The following PTPRZ1 variants were observed in gnomAD, a reference collection of about 807,000 sequenced individuals.
PTPRZ1 encodes protein tyrosine phosphatase receptor type Z1, also known as receptor-type tyrosine-protein phosphatase zeta.
Under a neutral mutation model 214.1 loss-of-function variants are expected in PTPRZ1, and 82 were observed. The observed-to-expected ratio is 0.38, with a 90% CI of 0.32 to 0.46. The LOEUF is 0.46. Ranked by LOEUF, PTPRZ1 falls within the 20% of genes least tolerant of loss-of-function variation. The pLI, the probability that PTPRZ1 is intolerant of heterozygous loss-of-function variation, is 1.00. For missense variants in PTPRZ1, 2,603 were observed against 2,748.7 expected, an observed-to-expected ratio of 0.95 and a Z score of 1.19; for synonymous variants, 945 against 987.9, an observed-to-expected ratio of 0.96 and a Z score of 0.81.
chr7:121,967,693 G>A (rs1797085636), intron 2 of PTPRZ1, among the ~76,000 whole-genome samples: 1 of 152,140 alleles, frequency 6.6e-6, no homozygotes, highest in Non-Finnish European at 1.5e-5. Context: ...GTAGACTAAA[G>A]TTGTACCAAA....
At chr7:122,044,917 T>C (rs1268355367) in intron 23 of PTPRZ1, among the ~76,000 whole-genome samples, 1 of 151,780 alleles carries the variant, frequency 6.6e-6, no homozygotes, top group East Asian at 1.9e-4. Flanking sequence ...AACAGACCAC[T>C]TAAACATGAG....
In PTPRZ1 at chr7:121,927,048, T is replaced by C. The variant is rs548671645; in HGVS notation, c.59-1108T>C. On this transcript the variant is annotated intron_variant, in intron 1 of 29. Coordinates refer to ENST00000393386, the MANE Select transcript of PTPRZ1 (RefSeq NM_002851.3). ...ACCATGTTGTAATAATCAGATAGTA[T>C]ATAACATGAAAGAAAGAAAAATAAA... Among the ~76,000 whole-genome samples the C allele has an allele frequency of 2.6e-5, 4 of 152,282 alleles. No homozygotes were observed. In the South Asian group the frequency reaches 6.2e-4, roughly 24 times the overall value.
chr7:121,981,078 G>A (rs1442306516), intron 6 of PTPRZ1, among the ~76,000 whole-genome samples: 4 of 151,518 alleles, frequency 2.6e-5, no homozygotes, highest in Non-Finnish European at 5.9e-5. Flanking sequence ...GGGGGGCGGA[G>A]CCTGCAGTGA....
chr7:121,944,495 A>G (rs1249890665), intron 2 of PTPRZ1, among the ~76,000 whole-genome samples: 6 of 152,222 alleles, frequency 3.9e-5, no homozygotes, highest in East Asian at 1.9e-4. Flanking sequence ...TAGGATCTGA[A>G]TATTTCTGGA....
intron 2 of PTPRZ1, among the ~76,000 whole-genome samples, chr7:121,960,712 AT>A (rs145022161): frequency 6.6e-6 from 1 of 152,064 alleles, no homozygotes; most frequent in East Asian, 1.9e-4. Flanking sequence ...TAATTTAATC[AT>A]TTTTTCCTTC....
intron 2 of PTPRZ1, among the ~76,000 whole-genome samples, chr7:121,939,829 T>C (rs1391187942): frequency 6.6e-6 from 1 of 152,138 alleles, no homozygotes; most frequent in Non-Finnish European, 1.5e-5. Context: ...TTTTAAAGCA[T>C]GGTAAATACC....
chr7:122,011,404 T>G lies in PTPRZ1; in HGVS notation c.2358T>G (p.Ala786=). ...ATCAGATCCTCAACACTACCCCTGC[T>G]GCTTCAAGTAGTGATTCGGCCTTGC... ...LDNQILNTTP[A]ASSSDSALHA... Residue 786 remains alanine, a synonymous_variant, in exon 12 of 30, where the codon GCT becomes GCG. Transcript: ENST00000393386. 1.2e-6 allele frequency: 2 copies of G among 1,614,098 alleles called. No individual in the cohort carries two copies. Among genetic ancestry groups the G allele is most frequent in the Non-Finnish European group, 1.7e-6 (2 of 1,179,934 alleles).
chr7:121,941,009 T>G (rs2116420853), intron 2 of PTPRZ1, among the ~76,000 whole-genome samples: 1 of 152,324 alleles, frequency 6.6e-6, no homozygotes, highest in African/African-American at 2.4e-5. Flanking sequence ...CTTTCCTGAC[T>G]CTTCTTTTCT....
At chr7:121,973,527 T>C (rs1371076224) in intron 4 of PTPRZ1, among the ~76,000 whole-genome samples, 2 of 152,178 alleles carry the variant, frequency 1.3e-5, no homozygotes, top group Non-Finnish European at 2.9e-5. Context: ...AATATATAAA[T>C]TATTTAACTT....
intron 1 of PTPRZ1, among the ~76,000 whole-genome samples, chr7:121,881,288 A>G (rs1426551698): frequency 2.0e-5 from 3 of 152,232 alleles, no homozygotes; most frequent in African/African-American, 4.8e-5. Context: ...CCCAGCCTCC[A>G]TATCTGTGAG....
At chr7:121,973,840 A>ACC (rs1270558552) in intron 4 of PTPRZ1, among the ~76,000 whole-genome samples, 8 of 145,898 alleles carry the variant, frequency 5.5e-5, no homozygotes, top group Admixed American at 7.0e-5. Context: ...AGGCTGAGGC[A>ACC]TGGGAATCAC....
At chr7:122,003,468 G>C (rs188453759) in intron 10 of PTPRZ1, among the ~76,000 whole-genome samples, 11 of 152,230 alleles carry the variant, frequency 7.2e-5, no homozygotes, top group Admixed American at 2.6e-4. Context: ...ATACCCAGCA[G>C]TCTTGGTAAA....
intron 1 of PTPRZ1, among the ~76,000 whole-genome samples, chr7:121,895,305 A>G (rs1383790950): frequency 1.3e-5 from 2 of 152,132 alleles, no homozygotes; most frequent in Non-Finnish European, 2.9e-5. Context: ...TTGCAGGTGT[A>G]GGATAATCAT....
intron 2 of PTPRZ1, among the ~76,000 whole-genome samples, chr7:121,951,462 T>C (rs925018680): frequency 3.3e-5 from 5 of 152,242 alleles, no homozygotes; most frequent in African/African-American, 1.2e-4. Context: ...GTTTATTATT[T>C]GGTAGTGGCA....
chr7:121,967,644 T>C (rs1195882135), intron 2 of PTPRZ1, among the ~76,000 whole-genome samples: 1 of 152,206 alleles, frequency 6.6e-6, no homozygotes, highest in East Asian at 1.9e-4. Flanking sequence ...GCATAAAAGT[T>C]AGTTCTCATT....
Position 122,011,233 on chromosome 7 carries a change from C to T in PTPRZ1, c.2187C>T (p.Thr729=). Residue 729 remains threonine, a synonymous_variant, in exon 12 of 30, where the codon ACC becomes ACT. Transcript: ENST00000393386. ...CTGAGGTAACACCTCATGCTTTTAC[C>T]CCATCCTCCAGACAACAGGATTTGG... ...FPTEVTPHAF[T]PSSRQQDLVS... 6.2e-7 allele frequency: 1 copy of T among 1,614,024 alleles called. No homozygotes were observed. The highest frequency in any genetic ancestry group is 8.5e-7 in the Non-Finnish European group (1 of 1,179,988).
chr7:121,896,448 G>A (rs1794785469), intron 1 of PTPRZ1, among the ~76,000 whole-genome samples: 1 of 152,076 alleles, frequency 6.6e-6, no homozygotes, highest in South Asian at 2.1e-4. Flanking sequence ...CAACCTAAAT[G>A]TCCATTAATG....
chr7:122,023,628 A>T (rs1355007625), intron 13 of PTPRZ1, among the ~76,000 whole-genome samples: 1 of 131,362 alleles, frequency 7.6e-6, no homozygotes, highest in Non-Finnish European at 1.6e-5. Flanking sequence ...TATATATTAT[A>T]TGTATAATTT....
intron 1 of PTPRZ1, among the ~76,000 whole-genome samples, chr7:121,889,871 T>C (rs912559651): frequency 6.6e-6 from 1 of 152,184 alleles, no homozygotes; most frequent in African/African-American, 2.4e-5. Flanking sequence ...TTGTTATCAT[T>C]GTGTCATTCT....
Sources: gnomAD v4.1 joint callset for allele counts (sites outside exome capture counted in the v4.1 genomes callset) on GRCh38, gnomAD v4.1.1 for gene constraint, MANE v1.5 for transcripts, NCBI Gene and HGNC (gene_info 2026-07-23, HGNC 2026-07-21) for gene names.